Variants in PIGX observed in about 807,000 individuals in gnomAD.
The protein encoded by PIGX is phosphatidylinositol glycan anchor biosynthesis class X.
A neutral mutation model predicts 28.7 loss-of-function variants in PIGX; 24 were observed. That is an observed-to-expected ratio of 0.84 (90% CI 0.60 to 1.17). The LOEUF (loss-of-function observed/expected upper bound fraction) is 1.17, where lower values mean the gene tolerates loss of function less well. PIGX is among the 50% of genes most tolerant of loss of function. The probability of loss-of-function intolerance (pLI) is 0.00; values close to 1 mark genes in which losing one functional copy is unlikely to be tolerated. For missense variants in PIGX, 305 were observed against 317.8 expected (o/e 0.96, Z 0.31); for synonymous variants, 127 against 121.0 (o/e 1.05, Z -0.33).
chr3:196,713,254 GT>G, intron 1 of PIGX: 1 of 248,788 alleles, frequency 4.0e-6, no homozygotes, highest in Non-Finnish European at 6.4e-6. Context: ...CTGCTTGTGT[GT>G]TTACATATTG....
At chr3:196,724,396 C>T (rs928310136) in intron 3 of PIGX, among the ~76,000 whole-genome samples, 8 of 152,144 alleles carry the variant, frequency 5.3e-5, no homozygotes, top group South Asian at 2.1e-4. Context: ...AATTTCAACA[C>T]AGTTTTTGGC....
At chr3:196,716,313 G>A (rs1216714480) in intron 1 of PIGX, among the ~76,000 whole-genome samples, 3 of 151,908 alleles carry the variant, frequency 2.0e-5, no homozygotes, top group African/African-American at 7.3e-5. Context: ...AGGCATAAAT[G>A]TACCATTTTC....
In PIGX at chr3:196,732,799, T is replaced by G. The variant is rs546148409; in HGVS notation, c.634-960T>G. ...AAAAGTATTCCCAAGTTACGTACAT[T>G]TTAATGTTTTTTAAAACTTATTTTT... On this transcript the variant is annotated intron_variant, in intron 5 of 5. Transcript: ENST00000392391. Among the ~76,000 whole-genome samples the G allele has an allele frequency of 8.5e-5, 13 of 152,328 alleles. No individual in the cohort carries two copies. The South Asian group carries it at 2.7e-3, about 32-fold the overall frequency.
chr3:196,732,077 C>T (rs184192037), intron 5 of PIGX, among the ~76,000 whole-genome samples: 2,158 of 150,350 alleles, frequency 0.014, 87 homozygotes, highest in Admixed American at 0.087. Context: ...CCACCCCCGT[C>T]AGCCTCCCAA....
At chr3:196,730,605 G>A (rs1229432959) in intron 4 of PIGX, among the ~76,000 whole-genome samples, 1 of 151,862 alleles carries the variant, frequency 6.6e-6, no homozygotes, top group Non-Finnish European at 1.5e-5. Flanking sequence ...AAAATTAGCT[G>A]GGTGCAATGG....
At chr3:196,719,797 CTT>C (rs200697118) in intron 2 of PIGX, among the ~76,000 whole-genome samples, 3 of 146,832 alleles carry the variant, frequency 2.0e-5, no homozygotes, top group Non-Finnish European at 3.0e-5. Context: ...ACAATTTTAA[CTT>C]TTTTTTTTTT....
intron 5 of PIGX, among the ~76,000 whole-genome samples, chr3:196,731,804 T>C (rs1161235724): frequency 1.3e-5 from 2 of 152,064 alleles, no homozygotes; most frequent in Non-Finnish European, 2.9e-5. Context: ...TTTTAAAACA[T>C]TTTGAATTCA....
At chr3:196,714,998 C>T (rs1712035910) in intron 1 of PIGX, among the ~76,000 whole-genome samples, 1 of 152,124 alleles carries the variant, frequency 6.6e-6, no homozygotes, top group African/African-American at 2.4e-5. Context: ...ATTGCTTGAA[C>T]CTGGGAGGCA....
chr3:196,723,616 C>CTTTT (rs537275236), intron 3 of PIGX, among the ~76,000 whole-genome samples: 1 of 135,074 alleles, frequency 7.4e-6, no homozygotes, highest in Non-Finnish European at 1.6e-5. Context: ...CAGATGATTT[C>CTTTT]TTTTTTTTTT....
At position 196,734,960 on chromosome 3, in the gene PIGX, A is replaced by C. The variant is rs1490267010; in HGVS notation, c.*1058A>C. The C allele has an allele frequency of 6.6e-6, 1 of 152,152 alleles. No individual in the cohort carries two copies. The highest frequency in any genetic ancestry group is 6.5e-5 in the Admixed American group (1 of 15,274). The allele number at this position is 152,152 out of a possible 1,614,324, so 9.4% of individuals were successfully genotyped here. A position where few individuals can be genotyped will look rare whatever the true frequency, so the allele number is the denominator to read the frequency against. On this transcript the variant is annotated 3_prime_UTR_variant, in exon 6 of 6. Coordinates refer to ENST00000392391, the MANE Select transcript of PIGX (RefSeq NM_017861.4). The stretch of plus-strand genomic sequence containing the variant: ...TTCTTCATTTACTGTTATGATTGGA[A>C]AAAAATTAGAAAATAAAGTAAGTGC...
chr3:196,722,211 T>A (rs1398233035), intron 2 of PIGX, among the ~76,000 whole-genome samples: 1 of 152,248 alleles, frequency 6.6e-6, no homozygotes, highest in Non-Finnish European at 1.5e-5. Flanking sequence ...ATTTTTACAA[T>A]AATGCTATAG....
At position 196,733,940 on chromosome 3, in the gene PIGX, A is replaced by T; in HGVS notation, c.*38A>T. 7.9e-7 allele frequency: 1 copy of T among 1,273,326 alleles called. No homozygotes were observed. The highest frequency in any genetic ancestry group is 1.2e-5 in the South Asian group (1 of 82,028). 78.9% of individuals were successfully genotyped at this position (1,273,326 alleles called of 1,614,324 possible). A position where few individuals can be genotyped will look rare whatever the true frequency, so the allele number is the denominator to read the frequency against. The stretch of plus-strand genomic sequence containing the variant: ...TAAATGCTTCCTAGAAACCTAAATA[A>T]GATCTATTAATTTCTGACGAGAGGT... On this transcript the variant is annotated 3_prime_UTR_variant, in exon 6 of 6. Transcript: ENST00000392391. The surrounding 1 kb of genome is among the most constrained non-coding windows in gnomAD (Gnocchi z 4.3).
chr3:196,714,859 C>G (rs1244875695), intron 1 of PIGX, among the ~76,000 whole-genome samples: 1 of 152,098 alleles, frequency 6.6e-6, no homozygotes, highest in East Asian at 1.9e-4. Flanking sequence ...GGGCAGATCA[C>G]CAGGTCAGGA....
chr3:196,733,858 T>C lies in PIGX; in HGVS notation c.733T>C (p.Leu245=), dbSNP rs371955513. The C allele has an allele frequency of 3.7e-5, 60 of 1,605,406 alleles. No individual in the cohort carries two copies. Among genetic ancestry groups the C allele is most frequent in the Admixed American group, 6.7e-5 (4 of 59,988 alleles). The change falls in exon 6 of 6, where the codon TTG becomes CTG. Residue 245 remains leucine (L), a synonymous_variant. Transcript: ENST00000392391. This position sits in a 1 kb window ranked among gnomAD's most constrained non-coding sequence, Gnocchi z 4.3. ...GCTCATTACAATCCTGTGCTCTACA[T>C]TGATCCTTGTAGCAGTTTTCAAATA...
At position 196,712,651 on chromosome 3, in the gene PIGX, G is replaced by C. The variant is rs572198025; in HGVS notation, c.112+7G>C. 68 of 1,187,548 alleles carry C rather than the reference G, an allele frequency of 5.7e-5. No homozygotes were observed. The highest frequency in any genetic ancestry group is 7.0e-5 in the Non-Finnish European group (67 of 959,258). The allele number at this position is 1,187,548 out of a possible 1,614,324, so 73.6% of individuals were successfully genotyped here. A position where few individuals can be genotyped will look rare whatever the true frequency, so the allele number is the denominator to read the frequency against. The stretch of plus-strand genomic sequence containing the variant: ...GCCGCGCGCTCTGACGCCGGTAAGG[G>C]GGGCGGGGCTTGGGGGGCCAGAGCG... On this transcript the variant is annotated splice_region_variant and intron_variant, in intron 1 of 5. Coordinates refer to ENST00000392391, the MANE Select transcript of PIGX (RefSeq NM_017861.4).
chr3:196,712,933 G>A (rs1405301027), intron 1 of PIGX: 10 of 1,017,668 alleles, frequency 9.8e-6, no homozygotes, highest in Non-Finnish European at 1.2e-5. Flanking sequence ...AAGCGTCTTG[G>A]GATGCTCTTG....
At position 196,712,613 on chromosome 3, in the gene PIGX, C is replaced by A; in HGVS notation, c.81C>A (p.Ala27=). The A allele has an allele frequency of 8.4e-7, 1 of 1,190,538 alleles. No homozygotes were observed. The allele number at this position is 1,190,538 out of a possible 1,614,324, so 73.7% of individuals were successfully genotyped here. Reference sequence around the variant, plus strand: ...CGACCGGGCTCACGCGCGGGCCCGCCGCGGCCTTCACCGCCGCGCGCTCTG... The same window carrying A: ...CGACCGGGCTCACGCGCGGGCCCGCAGCGGCCTTCACCGCCGCGCGCTCTG... The change falls in exon 1 of 6, where the codon GCC becomes GCA. Residue 27 remains alanine, a synonymous_variant. Transcript: ENST00000392391.
At chr3:196,713,907 A>G (rs1351333831) in intron 1 of PIGX, among the ~76,000 whole-genome samples, 1 of 152,030 alleles carries the variant, frequency 6.6e-6, no homozygotes, top group Non-Finnish European at 1.5e-5. Flanking sequence ...GTAATAGTTA[A>G]GAGGAAAAAT....
At chr3:196,722,306 G>C in intron 2 of PIGX, 109 bp from the exon 3 acceptor site, 2 of 766,778 alleles carry the variant, frequency 2.6e-6, no homozygotes, top group Non-Finnish European at 4.2e-6. Context: ...ATCTACTTTT[G>C]GAAAATGAAT....
Sources: gnomAD v4.1 joint callset for allele counts (sites outside exome capture counted in the v4.1 genomes callset) on GRCh38, gnomAD v4.1.1 for gene constraint, Gnocchi (gnomAD v3.1) non-coding constraint, MANE v1.5 for transcripts, NCBI Gene and HGNC (gene_info 2026-07-23, HGNC 2026-07-21) for gene names.